STAB1: variants seen among roughly 807,000 people sequenced by gnomAD.
The protein encoded by STAB1 is stabilin 1.
In STAB1, 250 loss-of-function variants were observed where a neutral mutation model predicts 332.4. The observed-to-expected ratio is 0.75, with a 90% confidence interval of 0.68 to 0.84. STAB1 has a LOEUF of 0.84. STAB1 is among the 40% of genes least tolerant of loss of function. STAB1 has a pLI of 0.00. For synonymous variants in STAB1, 1,475 were observed against 1,390.4 expected (o/e 1.06, Z -1.35); for missense variants, 3,249 against 3,489.7 (o/e 0.93, Z 1.74).
intron 10 of STAB1, 97 bp downstream of exon 10, chr3:52,504,252 C>A (rs1708676819): frequency 8.6e-6 from 13 of 1,510,438 alleles, no homozygotes; most frequent in Middle Eastern, 1.8e-4. Flanking sequence ...AGTTTCTCTG[C>A]CCAGGGCTGT....
chr3:52,509,782 A>C (rs1575326290), intron 22 of STAB1, 88 bp from the exon 23 acceptor site: 5 of 1,452,162 alleles, frequency 3.4e-6, no homozygotes, highest in African/African-American at 1.4e-5. Context: ...TGGCTGCCCC[A>C]CTCCCTATAT....
intron 38 of STAB1, 28 bp downstream of exon 38, chr3:52,516,266 G>GGGGGGCC: frequency 1.0e-5 from 8 of 794,134 alleles, no homozygotes; most frequent in African/African-American, 1.7e-5. Flanking sequence ...GCGGGGGTGG[G>GGGGGGCC]CCTCCTGGCA....
At chr3:52,496,771 C>G (rs17052201) in intron 1 of STAB1, among the ~76,000 whole-genome samples, 1 of 152,092 alleles carries the variant, frequency 6.6e-6, no homozygotes, top group African/African-American at 2.4e-5. Context: ...GCCTCAGATT[C>G]GAGTTTTTTC....
rs914295078 is a variant in STAB1, at chr3:52,514,126, G to T, written c.3459G>T (p.Leu1153Phe). Residue 1153 changes from leucine (L) to phenylalanine (F), a missense_variant, in exon 33 of 69, where the codon TTG becomes TTT. Leu to Phe is a conservative substitution (Grantham distance 22). Transcript: ENST00000321725. ...LFRELLQHHGLVPQIEAATAY... is the reference protein window; with the variant it reads ...LFRELLQHHGFVPQIEAATAY... ...CACCCCATCCCTAGCACCATGGGTT[G>T]GTGCCCCAGATTGAGGCTGCCACTG... 1 of 1,613,394 alleles carries T rather than the reference G, an allele frequency of 6.2e-7. No individual in the cohort carries two copies. Among genetic ancestry groups the T allele is most frequent in the Admixed American group, 1.7e-5 (1 of 60,026 alleles).
rs769429240 is a variant in STAB1, at chr3:52,495,374, C to T, written c.-40C>T. The T allele has an allele frequency of 4.8e-5, 62 of 1,303,004 alleles. No individual in the cohort carries two copies. Among genetic ancestry groups the T allele is most frequent in the Middle Eastern group, 2.0e-4 (1 of 4,934 alleles). 80.7% of individuals were successfully genotyped at this position (1,303,004 alleles called of 1,614,324 possible). ...GTGCCTGCCTCCTAGAGCTCATTCC[C>T]TACGCCCCGACTCTGTCCTGGACAG... is the stretch of plus-strand genomic sequence containing the variant. On this transcript the variant is annotated 5_prime_UTR_variant, in exon 1 of 69. Coordinates refer to ENST00000321725, the MANE Select transcript of STAB1 (RefSeq NM_015136.3).
chr3:52,513,659 C>T, intron 30 of STAB1, 58 bp from the exon 31 acceptor site: 1 of 1,552,376 alleles, frequency 6.4e-7, no homozygotes, highest in South Asian at 1.1e-5. Context: ...TGGGGCTGCC[C>T]CACCTTTAAG....
At chr3:52,520,180 C>T in intron 51 of STAB1, 24 bp from the exon 52 acceptor site, 1 of 1,613,162 alleles carries the variant, frequency 6.2e-7, no homozygotes, top group Non-Finnish European at 8.5e-7. Flanking sequence ...CTTTCCACCT[C>T]CAACCATGAC....
chr3:52,518,966 C>T, intron 48 of STAB1, 97 bp downstream of exon 48: 4 of 1,371,060 alleles, frequency 2.9e-6, no homozygotes, highest in Non-Finnish European at 3.8e-6. Context: ...TCAAGAACCC[C>T]ACCTCCCCTA....
Position 52,504,102 on chromosome 3 carries a change from C to T in STAB1, c.1097C>T (p.Ala366Val), listed in dbSNP as rs921204169. The T allele has an allele frequency of 6.9e-6, 11 of 1,590,170 alleles. No homozygotes were observed. The highest frequency in any genetic ancestry group is 6.8e-6 in the Non-Finnish European group (8 of 1,168,852). Residue 366 changes from alanine (A) to valine (V), a missense_variant, in exon 10 of 69, where the codon GCC becomes GTC. Coordinates refer to ENST00000321725, the MANE Select transcript of STAB1 (RefSeq NM_015136.3). Reference sequence around the variant, plus strand: ...CACCTGCTCCACGAGGTGCAGAAGGCCACGCAGACAGGCCGGGTGTTCCTG... The same window carrying T: ...CACCTGCTCCACGAGGTGCAGAAGGTCACGCAGACAGGCCGGGTGTTCCTG... ...YGHLLHEVQK[A>V]TQTGRVFLQL...
At position 52,523,746 on chromosome 3, in the gene STAB1, C is replaced by T. The variant is rs765233896; in HGVS notation, c.7385C>T (p.Pro2462Leu). ...IHALASPLLAPPQPQAVLAPE... is the reference protein window; with the variant it reads ...IHALASPLLALPQPQAVLAPE... Reference sequence around the variant, plus strand: ...GCTCTGGCCAGCCCCCTCCTGGCACCCCCACAGCCCGTGAGTTGAGGAAGG... The same window carrying T: ...GCTCTGGCCAGCCCCCTCCTGGCACTCCCACAGCCCGTGAGTTGAGGAAGG... Residue 2462 changes from proline to leucine, a missense_variant, in exon 66 of 69, where the codon CCC becomes CTC. Coordinates refer to ENST00000321725, the MANE Select transcript of STAB1 (RefSeq NM_015136.3). 184 of 1,598,216 alleles carry T rather than the reference C, an allele frequency of 1.2e-4. No homozygotes were observed. The highest frequency in any genetic ancestry group is 1.5e-4 in the Non-Finnish European group (181 of 1,168,062).
chr3:52,505,841 C>A (rs751617008), intron 15 of STAB1, 42 bp from the exon 16 acceptor site: 2 of 1,613,850 alleles, frequency 1.2e-6, no homozygotes, highest in East Asian at 2.2e-5. Context: ...CACGCTCCCC[C>A]ACAGTTCCTC....
At chr3:52,520,166 C>T (rs762509850) in intron 51 of STAB1, 38 bp from the exon 52 acceptor site, 1 of 1,613,016 alleles carries the variant, frequency 6.2e-7, no homozygotes, top group East Asian at 2.2e-5. Flanking sequence ...GCAGCTCAGC[C>T]TGCCTTTCCA....
intron 1 of STAB1, among the ~76,000 whole-genome samples, chr3:52,497,466 A>T (rs1578338450): frequency 1.7e-5 from 2 of 118,544 alleles, no homozygotes; most frequent in South Asian, 5.0e-4. Context: ...GGGCTGCATT[A>T]CAGTGGCGCT....
chr3:52,517,733 G>A, intron 44 of STAB1, 109 bp downstream of exon 44: 1 of 1,551,954 alleles, frequency 6.4e-7, no homozygotes, highest in Non-Finnish European at 8.8e-7. Flanking sequence ...TGCAGGGTGG[G>A]CTATCCTCCC....
At chr3:52,503,568 T>C (rs766515442) in intron 8 of STAB1, 28 bp downstream of exon 8, 2 of 1,606,462 alleles carry the variant, frequency 1.2e-6, no homozygotes, top group Non-Finnish European at 1.7e-6. Flanking sequence ...GCCGGAACTG[T>C]CCCCACAGTG....
chr3:52,505,663 C>A lies in STAB1; in HGVS notation c.1582-5C>A, dbSNP rs760566879. On this transcript the variant is annotated splice_polypyrimidine_tract_variant and splice_region_variant and intron_variant, in intron 14 of 68. Coordinates refer to ENST00000321725, the MANE Select transcript of STAB1 (RefSeq NM_015136.3). ...ACCCCCTGAGCCTCCCTTGCACCAC[C>A]ACAGAACTGTGGGCTGCCCTCCATC... 1 of 1,613,198 alleles carries A rather than the reference C, an allele frequency of 6.2e-7. No homozygotes were observed. Among genetic ancestry groups the A allele is most frequent in the Admixed American group, 1.7e-5 (1 of 60,010 alleles).
At position 52,520,947 on chromosome 3, in the gene STAB1, T is replaced by C; in HGVS notation, c.5850T>C (p.Cys1950=). The change falls in exon 55 of 69, where the codon TGT becomes TGC. Residue 1950 remains cysteine, a synonymous_variant. Coordinates refer to ENST00000321725, the MANE Select transcript of STAB1 (RefSeq NM_015136.3). ...QGLGRGCHRN[C]VTTTWKPSCC... is the part of the protein sequence containing the mutation. ...TGGGCAGGGGCTGCCACCGCAATTG[T>C]GTCACCACCACCTGGAAGCCCAGCT... The C allele has an allele frequency of 6.3e-7, 1 of 1,586,874 alleles. No individual in the cohort carries two copies. The highest frequency in any genetic ancestry group is 8.6e-7 in the Non-Finnish European group (1 of 1,166,340).
At chr3:52,521,090 G>A (rs2079057243) in intron 55 of STAB1, 85 bp downstream of exon 55, 1 of 1,430,814 alleles carries the variant, frequency 7.0e-7, no homozygotes, top group Admixed American at 2.8e-5. Context: ...TTGAGAGAGT[G>A]TTGGGGCGTC....
At position 52,518,484 on chromosome 3, in the gene STAB1, T is replaced by C. The variant is rs371361311; in HGVS notation, c.4810-52T>C. ...GTCCAGGTCTTCCCCAGGAGATCCA[T>C]GGACGCCTCAGGCTTCTCCCATTCC... is the stretch of plus-strand genomic sequence containing the variant. On this transcript the variant is annotated intron_variant, in intron 46 of 68. Transcript: ENST00000321725. 8.3e-6 allele frequency: 13 copies of C among 1,562,692 alleles called. No individual in the cohort carries two copies. The African/African-American group carries it at 1.6e-4, about 20-fold the overall frequency.
Sources: allele counts gnomAD v4.1 joint callset (sites outside exome capture counted in the v4.1 genomes callset), GRCh38; gene constraint gnomAD v4.1.1; transcripts MANE v1.5; gene names NCBI Gene and HGNC (gene_info 2026-07-23, HGNC 2026-07-21).